PFKFB3: variants seen among roughly 807,000 people sequenced by gnomAD.
PFKFB3 encodes the protein 6-phosphofructo-2-kinase/fructose-2,6-biphosphatase 3, also known as 6-phosphofructo-2-kinase/fructose-2,6-bisphosphatase 3.
PFKFB3 carries 33 observed loss-of-function variants against 68.0 expected under a neutral mutation model. The ratio of observed to expected loss-of-function variants is 0.49; its 90% CI spans 0.37 to 0.65. The LOEUF (loss-of-function observed/expected upper bound fraction) is 0.65, where lower values mean the gene tolerates loss of function less well. Among genes scored for constraint, PFKFB3 ranks in the 30% least tolerant of loss-of-function variants. The pLI is 0.00. For missense variants in PFKFB3, 586 were observed against 712.2 expected, an observed-to-expected ratio of 0.82 and a Z score of 2.02; for synonymous variants, 315 against 288.2, an observed-to-expected ratio of 1.09 and a Z score of -0.94.
chr10:6,199,448 A>G (rs78241314), upstream of PFKFB3, among the ~76,000 whole-genome samples: 1 of 151,574 alleles, frequency 6.6e-6, no homozygotes, highest in Non-Finnish European at 1.5e-5. Flanking sequence ...GAGCTCAGTG[A>G]ATTCAGCTAT....
intron 13 of PFKFB3, 29 bp from the exon 14 acceptor site, chr10:6,226,163 T>C (rs2132015659): frequency 1.3e-6 from 2 of 1,531,620 alleles, no homozygotes. Flanking sequence ...AACTGTCGCC[T>C]TTCTCTCTTT....
the PFKFB3 span, among the ~76,000 whole-genome samples, chr10:6,316,626 C>G: frequency 1.3e-5 from 2 of 152,092 alleles, no homozygotes; most frequent in Admixed American, 1.3e-4. Context: ...TACAGGCATG[C>G]ACCACCACAC....
At chr10:6,277,337 G>C in the PFKFB3 span, among the ~76,000 whole-genome samples, 5 of 151,856 alleles carry the variant, frequency 3.3e-5, no homozygotes, top group East Asian at 9.7e-4. Context: ...GGGTTCCAGC[G>C]ATTCTCCTGA....
chr10:6,191,679 G>A (rs1843026345), intron 1 of PFKFB3, among the ~76,000 whole-genome samples: 2 of 152,208 alleles, frequency 1.3e-5, no homozygotes, highest in Admixed American at 6.5e-5. Flanking sequence ...GTTTCGACAG[G>A]TAGGATCTGG....
the PFKFB3 span, among the ~76,000 whole-genome samples, chr10:6,318,056 T>G: frequency 1.3e-5 from 2 of 152,310 alleles, no homozygotes; most frequent in Admixed American, 1.3e-4. Context: ...AAAGCGAAAG[T>G]TCCTTTTCAT....
chr10:6,228,192 G>C lies in PFKFB3; in HGVS notation c.1515+1827G>C. 6.2e-7 allele frequency: 1 copy of C among 1,612,686 alleles called. No homozygotes were observed. On this transcript the variant is annotated intron_variant, in intron 14 of 14. Transcript: ENST00000379775. The surrounding 1 kb of genome is among the most constrained non-coding windows in gnomAD (Gnocchi z 4.5). ...TGACTTCTCTCTCTGCTTCTCCTCC[G>C]CAGCCTTTGCTAGGGCAAGCCTGTC...
At chr10:6,187,356 G>A (rs768694125) in intron 1 of PFKFB3, among the ~76,000 whole-genome samples, 9 of 152,004 alleles carry the variant, frequency 5.9e-5, no homozygotes, top group South Asian at 2.1e-4. Flanking sequence ...GTGATACTCC[G>A]TCTCAGAAAA....
In PFKFB3 at chr10:6,220,815, C is replaced by G. The variant is rs758281350; in HGVS notation, c.781C>G (p.Leu261Val). 3.0e-5 allele frequency: 48 copies of G among 1,613,616 alleles called. No homozygotes were observed. The highest frequency in any genetic ancestry group is 3.6e-5 in the Non-Finnish European group (43 of 1,180,044). The change falls in exon 8 of 15, where the codon CTC (leucine) becomes GTC (valine). Residue 261 changes from leucine (L) to valine (V), a missense_variant. By Grantham distance (32) the Leu-to-Val change is conservative (BLOSUM62 1). Transcript: ENST00000379775. The surrounding 1 kb of genome is among the most constrained non-coding windows in gnomAD (Gnocchi z 4.1). ...CCGGCACGGCGAGAACGAGCACAAC[C>G]TCCAGGGCCGCATCGGGGGCGACTC... The part of the protein sequence containing the change: ...LCRHGENEHN[L>V]QGRIGGDSGL...
Position 6,210,356 on chromosome 10 carries a change from GTTTTT to G in PFKFB3, c.77-3264_77-3260del. On this transcript the variant is annotated intron_variant, in intron 1 of 14. Coordinates refer to ENST00000379775, the MANE Select transcript of PFKFB3 (RefSeq NM_004566.4). ...TCTTTGTTTTTTTTTGTTTTTTTTT[GTTTTT>G]TTGTTTTTTTTTTTTTTGAGACGAA... is the stretch of plus-strand genomic sequence containing the variant. Among the ~76,000 whole-genome samples the G allele has an allele frequency of 4.5e-5, 2 of 44,476 alleles. 1 individual carries two copies. Among genetic ancestry groups the G allele is most frequent in the South Asian group, 1.3e-3 (2 of 1,496 alleles). 29.2% of individuals were successfully genotyped at this position (44,476 alleles called of 152,430 possible).
intron 1 of PFKFB3, among the ~76,000 whole-genome samples, chr10:6,206,398 C>A (rs1160317605): frequency 7.7e-6 from 1 of 129,598 alleles, no homozygotes; most frequent in Non-Finnish European, 1.6e-5. Flanking sequence ...TCTTTCCCCG[C>A]CCCTTTCCCC....
rs758609813 is a variant in PFKFB3, at chr10:6,220,869, C to T, written c.831+4C>T. The T allele has an allele frequency of 4.1e-5, 66 of 1,607,778 alleles. No individual in the cohort carries two copies. The highest frequency in any genetic ancestry group is 6.7e-5 in the Admixed American group (4 of 59,954). ...CCTGTCCAGCCGGGGCAAGAAGGTG[C>T]GGGGTGTGCTGCCGCATGGGCCGTT... On this transcript the variant is annotated splice_donor_region_variant and intron_variant, in intron 8 of 14. Coordinates refer to ENST00000379775, the MANE Select transcript of PFKFB3 (RefSeq NM_004566.4). This position sits in a 1 kb window ranked among gnomAD's most constrained non-coding sequence, Gnocchi z 4.1.
rs1040771129 is a variant in PFKFB3 at position 6,234,850 on chromosome 10, A to T, written c.*1908A>T. The T allele has an allele frequency of 6.6e-6, 1 of 152,278 alleles. No individual in the cohort carries two copies. Among genetic ancestry groups the T allele is most frequent in the African/African-American group, 2.4e-5 (1 of 41,408 alleles). The allele number at this position is 152,278 out of a possible 1,614,324, so 9.4% of individuals were successfully genotyped here. Reference sequence around the variant, plus strand: ...CTCTCCCCTCTGACTACCTAAAATCAATACCTAAATACAGAAGCCTTGGTC... The same window carrying T: ...CTCTCCCCTCTGACTACCTAAAATCTATACCTAAATACAGAAGCCTTGGTC... On this transcript the variant is annotated 3_prime_UTR_variant, in exon 15 of 15. Transcript: ENST00000379775.
At chr10:6,324,465 C>T in the PFKFB3 span, among the ~76,000 whole-genome samples, 11 of 152,168 alleles carry the variant, frequency 7.2e-5, no homozygotes, top group African/African-American at 2.2e-4. Context: ...CTTGCTCTGT[C>T]GCTCAGGCTG....
the PFKFB3 span, among the ~76,000 whole-genome samples, chr10:6,306,075 A>T: frequency 1.3e-5 from 2 of 151,992 alleles, no homozygotes; most frequent in African/African-American, 4.8e-5. Context: ...CAGGCTGGAG[A>T]GCAGAGGCTC....
chr10:6,231,685 G>C (rs1845752783), intron 14 of PFKFB3: 4 of 685,000 alleles, frequency 5.8e-6, no homozygotes, highest in Non-Finnish European at 7.2e-6. Context: ...GCTCTCCCTA[G>C]ATATGAGGAC....
chr10:6,244,271 C>CCA (rs1846206143), intron 14 of PFKFB3, among the ~76,000 whole-genome samples: 1 of 152,104 alleles, frequency 6.6e-6, no homozygotes, highest in Non-Finnish European at 1.5e-5. Flanking sequence ...TGAGAATGTA[C>CCA]CACACACACA....
the PFKFB3 span, among the ~76,000 whole-genome samples, chr10:6,274,371 T>TA: frequency 2.0e-5 from 3 of 152,130 alleles, no homozygotes; most frequent in Non-Finnish European, 4.4e-5. Flanking sequence ...TGTTTACATT[T>TA]AAAAAATAAC....
upstream of PFKFB3, among the ~76,000 whole-genome samples, chr10:6,198,095 A>T (rs1348914422): frequency 6.6e-6 from 1 of 152,104 alleles, no homozygotes; most frequent in Non-Finnish European, 1.5e-5. Context: ...ATACAAAAAA[A>T]ATTAGCCAAG....
chr10:6,305,005 A>ATTTTTTTTTTTTTTTTTTTTTTTTTT, the PFKFB3 span, among the ~76,000 whole-genome samples: 2 of 14,528 alleles, frequency 1.4e-4, no homozygotes, highest in African/African-American at 3.5e-4. Flanking sequence ...AATATTAGGA[A>ATTTTTTTTTTTTTTTTTTTTTTTTTT]TTTTTTTTTT....
Sources: allele counts gnomAD v4.1 joint callset (sites outside exome capture counted in the v4.1 genomes callset), GRCh38; gene constraint gnomAD v4.1.1; non-coding constraint Gnocchi (gnomAD v3.1); transcripts MANE v1.5; gene names NCBI Gene and HGNC (gene_info 2026-07-23, HGNC 2026-07-21).